Variants in PRKG1 observed in about 807,000 individuals in gnomAD.
The protein encoded by PRKG1 is cGMP-dependent protein kinase 1.
Under a neutral mutation model 88.1 loss-of-function variants are expected in PRKG1, and 35 were observed. The observed-to-expected ratio is 0.40, with a 90% CI of 0.30 to 0.53. The LOEUF is 0.53. PRKG1 is among the 20% of genes least tolerant of loss of function. The pLI is 0.59. For synonymous variants in PRKG1, 303 were observed against 292.5 expected (o/e 1.04, Z -0.37); for missense variants, 540 against 839.8 (o/e 0.64, Z 4.41).
chr10:51,165,096 T>G (rs1446270847), intron 2 of PRKG1, among the ~76,000 whole-genome samples: 2 of 152,014 alleles, frequency 1.3e-5, no homozygotes, highest in African/African-American at 4.8e-5. Context: ...CACATAATTG[T>G]CAGATTCACC....
chr10:51,223,248 T>G (rs760636271), intron 2 of PRKG1, among the ~76,000 whole-genome samples: 4 of 152,042 alleles, frequency 2.6e-5, no homozygotes, highest in Non-Finnish European at 5.9e-5. Flanking sequence ...TTTCAAGCAA[T>G]CTAGGAAAAG....
At chr10:51,146,967 A>T (rs1845960478) in intron 1 of PRKG1, among the ~76,000 whole-genome samples, 1 of 152,214 alleles carries the variant, frequency 6.6e-6, no homozygotes, top group South Asian at 2.1e-4. Context: ...TTAGCCATAA[A>T]AAAGAATGAA....
In PRKG1 at chr10:51,904,662, A is replaced by C. The variant is rs1174894994; in HGVS notation, c.699-2845A>C. 2.0e-5 allele frequency among the ~76,000 whole-genome samples: 3 copies of C among 152,280 alleles called. No individual in the cohort carries two copies. In the East Asian group the frequency reaches 5.8e-4, roughly 29 times the overall value. On this transcript the variant is annotated intron_variant, in intron 4 of 17. Transcript: ENST00000373980. ...AAATGGTTTTCTTTTTGTGAAGTCC[A>C]GAAGTGCTTCAGTTGTTACTGGTAA...
chr10:51,911,844 C>A (rs1480206319), intron 5 of PRKG1, among the ~76,000 whole-genome samples: 1 of 152,026 alleles, frequency 6.6e-6, no homozygotes, highest in African/African-American at 2.4e-5. Context: ...ATGAAAGAAC[C>A]CCAGATAATT....
intron 10 of PRKG1, among the ~76,000 whole-genome samples, chr10:52,254,334 A>T (rs551650460): frequency 4.6e-5 from 7 of 152,150 alleles, no homozygotes; most frequent in African/African-American, 1.7e-4. Context: ...CTAAGCAATA[A>T]ATCTTCATAT....
intron 2 of PRKG1, among the ~76,000 whole-genome samples, chr10:51,249,246 G>A (rs1038601228): frequency 2.6e-5 from 4 of 151,802 alleles, no homozygotes; most frequent in Admixed American, 2.6e-4. Context: ...ATAAGAAAAT[G>A]TTAGTAATGG....
rs551398529 is a variant in PRKG1 at position 51,743,519 on chromosome 10, C to T, written c.593-61066C>T. Among the ~76,000 whole-genome samples, 6 of 151,422 alleles carry T rather than the reference C, an allele frequency of 4.0e-5. No homozygotes were observed. The East Asian group carries it at 7.8e-4, about 20-fold the overall frequency. The stretch of plus-strand genomic sequence containing the variant: ...GTCTGTTGCCTCAGTAACATCTTCC[C>T]GAGTAGCCCAAGGTGGGATATATTT... On this transcript the variant is annotated intron_variant, in intron 3 of 17. Transcript: ENST00000373980.
At chr10:51,992,148 T>C (rs1844328142) in intron 5 of PRKG1, among the ~76,000 whole-genome samples, 1 of 152,174 alleles carries the variant, frequency 6.6e-6, no homozygotes, top group Non-Finnish European at 1.5e-5. Context: ...GATAAATCAT[T>C]TGGTATTCTT....
At chr10:52,088,259 T>C (rs1846965908) in intron 7 of PRKG1, among the ~76,000 whole-genome samples, 2 of 151,966 alleles carry the variant, frequency 1.3e-5, no homozygotes, top group South Asian at 4.1e-4. Context: ...TTCTTTTTAA[T>C]GACTAAATAT....
At chr10:51,787,604 T>C (rs1838760883) in intron 3 of PRKG1, among the ~76,000 whole-genome samples, 1 of 152,174 alleles carries the variant, frequency 6.6e-6, no homozygotes, top group Non-Finnish European at 1.5e-5. Context: ...TATTTATACC[T>C]ATCTTCACCT....
intron 2 of PRKG1, among the ~76,000 whole-genome samples, chr10:51,333,007 A>G (rs556415483): frequency 3.4e-4 from 52 of 152,336 alleles, no homozygotes; most frequent in African/African-American, 1.2e-3. Context: ...CATCTTGAAG[A>G]TGAGGATACT....
intron 3 of PRKG1, among the ~76,000 whole-genome samples, chr10:51,610,165 T>A (rs938007312): frequency 1.3e-5 from 2 of 152,172 alleles, no homozygotes; most frequent in South Asian, 2.1e-4. Context: ...CTAGTTTTTT[T>A]AAAATGTACA....
intron 3 of PRKG1, among the ~76,000 whole-genome samples, chr10:51,703,177 A>G (rs529245298): frequency 6.6e-6 from 1 of 152,220 alleles, no homozygotes; most frequent in Non-Finnish European, 1.5e-5. Flanking sequence ...GCTAATTCCA[A>G]ATATCAAACC....
intron 3 of PRKG1, among the ~76,000 whole-genome samples, chr10:51,477,439 G>A (rs1192905659): frequency 6.6e-6 from 1 of 151,716 alleles, no homozygotes; most frequent in South Asian, 2.1e-4. Flanking sequence ...GAGAAGAATA[G>A]TTCCGAGCAT....
intron 7 of PRKG1, among the ~76,000 whole-genome samples, chr10:52,074,724 G>A (rs978295016): frequency 1.3e-5 from 2 of 152,008 alleles, no homozygotes; most frequent in Non-Finnish European, 1.5e-5. Context: ...CTTTGGACAG[G>A]CAACAAAGAT....
At chr10:51,225,997 A>G (rs1838682395) in intron 2 of PRKG1, among the ~76,000 whole-genome samples, 1 of 152,118 alleles carries the variant, frequency 6.6e-6, no homozygotes. Context: ...TGAGCTCAGG[A>G]GTTTGAGATC....
chr10:51,932,184 G>T (rs1589432288), intron 5 of PRKG1, among the ~76,000 whole-genome samples: 1 of 147,428 alleles, frequency 6.8e-6, no homozygotes, highest in African/African-American at 2.5e-5. Flanking sequence ...TATCTTTCCT[G>T]AATTGGTTTG....
chr10:52,130,740 C>G (rs1837230244), intron 7 of PRKG1, among the ~76,000 whole-genome samples: 3 of 152,072 alleles, frequency 2.0e-5, no homozygotes, highest in African/African-American at 7.3e-5. Context: ...AAGTTTCCTG[C>G]CCATTATGTT....
chr10:51,867,965 A>G (rs1841057507), intron 4 of PRKG1, among the ~76,000 whole-genome samples: 1 of 152,176 alleles, frequency 6.6e-6, no homozygotes, highest in South Asian at 2.1e-4. Flanking sequence ...CTTCACGTAT[A>G]AATTCCTTGG....
Sources: gnomAD v4.1 joint callset for allele counts (sites outside exome capture counted in the v4.1 genomes callset) on GRCh38, gnomAD v4.1.1 for gene constraint, MANE v1.5 for transcripts, NCBI Gene and HGNC (gene_info 2026-07-23, HGNC 2026-07-21) for gene names.